Variants in RSRC1 observed in about 807,000 individuals in gnomAD.
The protein encoded by RSRC1 is serine/Arginine-related protein 53.
A neutral mutation model predicts 49.1 loss-of-function variants in RSRC1; 39 were observed. The ratio of observed to expected loss-of-function variants is 0.79; its 90% CI spans 0.61 to 1.04. The LOEUF (loss-of-function observed/expected upper bound fraction) is 1.04, where lower values mean the gene tolerates loss of function less well. Ranked by LOEUF, RSRC1 falls within the 50% of genes least tolerant of loss-of-function variation. The probability of loss-of-function intolerance (pLI) is 0.00; values close to 1 mark genes in which losing one functional copy is unlikely to be tolerated. For synonymous variants in RSRC1, 143 were observed against 130.8 expected, an observed-to-expected ratio of 1.09 and a Z score of -0.63; for missense variants, 388 against 402.4, an observed-to-expected ratio of 0.96 and a Z score of 0.31.
Position 158,195,680 on chromosome 3 carries a change from T to G in RSRC1, c.321-7392T>G, listed in dbSNP as rs558799335. Among the ~76,000 whole-genome samples, 517 of 152,298 alleles carry G rather than the reference T, an allele frequency of 3.4e-3. 5 individuals carry two copies. The highest frequency in any genetic ancestry group is 0.012 in the African/African-American group (504 of 41,564). On this transcript the variant is annotated intron_variant, in intron 3 of 9. Transcript: ENST00000611884. ...ATGTTGAATTAATTTTTGTATAAGGTGTAAGGAAGGGATCCAGTTTCAGCT... is the reference window on the plus strand; with the variant it reads ...ATGTTGAATTAATTTTTGTATAAGGGGTAAGGAAGGGATCCAGTTTCAGCT...
At chr3:158,271,622 T>C (rs1193563465) in intron 4 of RSRC1, among the ~76,000 whole-genome samples, 1 of 152,170 alleles carries the variant, frequency 6.6e-6, no homozygotes, top group African/African-American at 2.4e-5. Context: ...AATAATTATA[T>C]AGCTATCTTA....
At chr3:158,261,895 A>G (rs566653177) in intron 4 of RSRC1, among the ~76,000 whole-genome samples, 23 of 152,330 alleles carry the variant, frequency 1.5e-4, no homozygotes, top group African/African-American at 5.3e-4. Context: ...ACAATGTAAT[A>G]GTAATAGAAA....
intron 7 of RSRC1, among the ~76,000 whole-genome samples, chr3:158,462,611 C>T (rs1737674261): frequency 6.6e-6 from 1 of 151,832 alleles, no homozygotes; most frequent in Non-Finnish European, 1.5e-5. Flanking sequence ...AATATGAATG[C>T]TTATCTTAGC....
intron 7 of RSRC1, among the ~76,000 whole-genome samples, chr3:158,497,676 C>A (rs1397374567): frequency 6.6e-6 from 1 of 151,938 alleles, no homozygotes; most frequent in Non-Finnish European, 1.5e-5. Flanking sequence ...ACCTCGTGAT[C>A]CGCCTGCCTC....
At chr3:158,520,649 T>G (rs1025610797) in intron 7 of RSRC1, among the ~76,000 whole-genome samples, 2 of 152,190 alleles carry the variant, frequency 1.3e-5, no homozygotes, top group Non-Finnish European at 2.9e-5. Context: ...TCCATCTGGC[T>G]GACAGGATCA....
In RSRC1 at chr3:158,139,436, G is replaced by A. The variant is rs7621160; in HGVS notation, c.320+15445G>A. Among the ~76,000 whole-genome samples the A allele has an allele frequency of 5.5e-3, 840 of 152,120 alleles. 8 individuals carry two copies. Among genetic ancestry groups the A allele is most frequent in the African/African-American group, 0.019 (803 of 41,496 alleles). On this transcript the variant is annotated intron_variant, in intron 3 of 9. Coordinates refer to ENST00000611884, the MANE Select transcript of RSRC1 (RefSeq NM_001271838.2). ...AAAAAAATTTTATTTTAATAAGCAT[G>A]TTTATCTTGTGGGTGCTGCAAGCCT...
At chr3:158,354,954 A>G in intron 6 of RSRC1, 46 bp downstream of exon 6, 2 of 1,334,576 alleles carry the variant, frequency 1.5e-6, no homozygotes, top group Non-Finnish European at 2.0e-6. Context: ...AGTGACGAGT[A>G]AACCCTAGGC....
chr3:158,337,072 T>A (rs1026708469), intron 5 of RSRC1, among the ~76,000 whole-genome samples: 12 of 152,194 alleles, frequency 7.9e-5, no homozygotes, highest in African/African-American at 2.7e-4. Flanking sequence ...ACATTTATGA[T>A]CCTGTGTCTA....
chr3:158,159,800 TGATGA>T (rs1253901751), intron 3 of RSRC1, among the ~76,000 whole-genome samples: 1 of 152,162 alleles, frequency 6.6e-6, no homozygotes, highest in Non-Finnish European at 1.5e-5. Context: ...AAAAAATTAC[TGATGA>T]GATCATTATT....
At chr3:158,478,271 G>T (rs1738469556) in intron 7 of RSRC1, among the ~76,000 whole-genome samples, 1 of 151,280 alleles carries the variant, frequency 6.6e-6, no homozygotes, top group African/African-American at 2.4e-5. Context: ...AATTCTTAAA[G>T]GATGTTGGAC....
chr3:158,285,134 C>G (rs946988751), intron 4 of RSRC1, among the ~76,000 whole-genome samples: 1 of 152,100 alleles, frequency 6.6e-6, no homozygotes, highest in African/African-American at 2.4e-5. Flanking sequence ...TTCCCAGCAC[C>G]ATTTATTAAA....
chr3:158,437,473 G>A (rs1736114421), intron 6 of RSRC1, among the ~76,000 whole-genome samples: 1 of 152,112 alleles, frequency 6.6e-6, no homozygotes, highest in South Asian at 2.1e-4. Flanking sequence ...CCATGATCAA[G>A]TCAGCTTCAT....
At chr3:158,294,951 A>G (rs894249143) in intron 4 of RSRC1, among the ~76,000 whole-genome samples, 1 of 152,204 alleles carries the variant, frequency 6.6e-6, no homozygotes, top group African/African-American at 2.4e-5. Context: ...ATCCTTAAAT[A>G]TATTGATTCA....
At chr3:158,487,535 C>G (rs993599329) in intron 7 of RSRC1, among the ~76,000 whole-genome samples, 15 of 152,128 alleles carry the variant, frequency 9.9e-5, no homozygotes, top group African/African-American at 3.6e-4. Flanking sequence ...CATGAAAGGT[C>G]AACTAAGTCC....
chr3:158,204,145 G>C (rs1033408147), intron 4 of RSRC1, among the ~76,000 whole-genome samples: 1 of 152,090 alleles, frequency 6.6e-6, no homozygotes, highest in African/African-American at 2.4e-5. Flanking sequence ...TGCACATATA[G>C]TATCCTGAGA....
At chr3:158,540,250 C>CA (rs993761990) in intron 8 of RSRC1, among the ~76,000 whole-genome samples, 8 of 151,022 alleles carry the variant, frequency 5.3e-5, no homozygotes, top group Non-Finnish European at 8.9e-5. Context: ...TGAGACTTGG[C>CA]AAAAAAAATT....
At chr3:158,313,668 T>A (rs950706391) in intron 5 of RSRC1, among the ~76,000 whole-genome samples, 1 of 152,150 alleles carries the variant, frequency 6.6e-6, no homozygotes, top group Non-Finnish European at 1.5e-5. Context: ...ATGGCAAAAA[T>A]AAATGAAGTA....
chr3:158,377,307 T>A (rs959761951), intron 6 of RSRC1, among the ~76,000 whole-genome samples: 1 of 152,182 alleles, frequency 6.6e-6, no homozygotes, highest in African/African-American at 2.4e-5. Flanking sequence ...TGATATTGTT[T>A]GGATGTGTGT....
chr3:158,160,121 A>C lies in RSRC1; in HGVS notation c.320+36130A>C, dbSNP rs180790479. On this transcript the variant is annotated intron_variant, in intron 3 of 9. Coordinates refer to ENST00000611884, the MANE Select transcript of RSRC1 (RefSeq NM_001271838.2). ...AGGCAAAATCTGCCTTGGGAATTTT[A>C]TAATGAATATGAGAGAGATCCTGCC... Among the ~76,000 whole-genome samples the C allele has an allele frequency of 5.1e-4, 78 of 152,328 alleles. 6 individuals carry two copies. In the East Asian group the frequency reaches 6.2e-3, roughly 12 times the overall value.
Sources: gnomAD v4.1 joint callset for allele counts (sites outside exome capture counted in the v4.1 genomes callset) on GRCh38, gnomAD v4.1.1 for gene constraint, MANE v1.5 for transcripts, NCBI Gene and HGNC (gene_info 2026-07-23, HGNC 2026-07-21) for gene names.